The following RABGAP1L variants were observed in gnomAD, a reference collection of about 807,000 sequenced individuals.
The protein encoded by RABGAP1L is rab GTPase-activating protein 1-like.
Under a neutral mutation model 137.7 loss-of-function variants are expected in RABGAP1L, and 63 were observed. That is an observed-to-expected ratio of 0.46 (90% confidence interval 0.37 to 0.56). The LOEUF (loss-of-function observed/expected upper bound fraction) is 0.56, where lower values mean the gene tolerates loss of function less well. Among genes scored for constraint, RABGAP1L ranks in the 20% least tolerant of loss-of-function variants. The pLI is 0.00. For synonymous variants in RABGAP1L, 431 were observed against 433.7 expected, an observed-to-expected ratio of 0.99 and a Z score of 0.08; for missense variants, 1,095 against 1,244.0, an observed-to-expected ratio of 0.88 and a Z score of 1.80.
intron 7 of RABGAP1L, among the ~76,000 whole-genome samples, chr1:174,271,075 GATCATAGCAGTATATAGGTGAAATTATGA>G (rs1674521205): frequency 6.6e-6 from 1 of 152,096 alleles, no homozygotes; most frequent in South Asian, 2.1e-4. Flanking sequence ...ATAGGAGAGA[GATCATAGCAGTATATAGGTGAAATTATGA>G]ATACTAGAGT....
chr1:174,864,507 T>C (rs1178461860), intron 19 of RABGAP1L, among the ~76,000 whole-genome samples: 1 of 152,154 alleles, frequency 6.6e-6, no homozygotes, highest in Non-Finnish European at 1.5e-5. Context: ...CTTCTTCACA[T>C]GGTGGCAGGA....
At chr1:174,458,034 G>GT (rs1455612394) in intron 13 of RABGAP1L, among the ~76,000 whole-genome samples, 1 of 152,126 alleles carries the variant, frequency 6.6e-6, no homozygotes, top group Non-Finnish European at 1.5e-5. Flanking sequence ...TTAATTCTGT[G>GT]TAAGATAAGG....
intron 19 of RABGAP1L, among the ~76,000 whole-genome samples, chr1:174,873,359 G>A (rs1307268065): frequency 6.6e-6 from 1 of 151,922 alleles, no homozygotes; most frequent in African/African-American, 2.4e-5. Context: ...ATGAGCCACC[G>A]TGCCTGGCCT....
chr1:174,639,121 G>A (rs1557938136), intron 14 of RABGAP1L, among the ~76,000 whole-genome samples: 1 of 150,628 alleles, frequency 6.6e-6, no homozygotes, highest in Non-Finnish European at 1.5e-5. Context: ...TTTCATTAAA[G>A]TCCTTGCATG....
chr1:174,678,360 G>C (rs2148466653), intron 14 of RABGAP1L, among the ~76,000 whole-genome samples: 1 of 152,166 alleles, frequency 6.6e-6, no homozygotes, highest in Non-Finnish European at 1.5e-5. Flanking sequence ...TGACACACTT[G>C]TTTTATAAGG....
chr1:174,915,721 C>T (rs1483076667), intron 19 of RABGAP1L, among the ~76,000 whole-genome samples: 1 of 152,228 alleles, frequency 6.6e-6, no homozygotes, highest in Admixed American at 6.5e-5. Flanking sequence ...TCCCAAAGTG[C>T]TGGGATTATA....
At chr1:174,910,563 A>G (rs1018416216) in intron 19 of RABGAP1L, among the ~76,000 whole-genome samples, 1 of 152,178 alleles carries the variant, frequency 6.6e-6, no homozygotes, top group Non-Finnish European at 1.5e-5. Context: ...TGGCCACAGC[A>G]ATTAGGCAAA....
At chr1:174,512,570 A>T (rs184501396) in intron 13 of RABGAP1L, among the ~76,000 whole-genome samples, 1 of 152,232 alleles carries the variant, frequency 6.6e-6, no homozygotes, top group Non-Finnish European at 1.5e-5. Context: ...ACTGAAATGT[A>T]TCATCTTGCC....
chr1:174,819,460 A>C (rs1019958336), intron 19 of RABGAP1L, among the ~76,000 whole-genome samples: 1 of 152,200 alleles, frequency 6.6e-6, no homozygotes, highest in African/African-American at 2.4e-5. Context: ...CTCAGAGCTC[A>C]TGGAATTCAC....
At chr1:174,358,590 T>C (rs1034690095) in intron 11 of RABGAP1L, among the ~76,000 whole-genome samples, 1 of 152,228 alleles carries the variant, frequency 6.6e-6, no homozygotes, top group Non-Finnish European at 1.5e-5. Context: ...TGACTGCTTC[T>C]TCACCCAGGA....
chr1:174,261,535 A>G (rs1400654553), intron 7 of RABGAP1L, among the ~76,000 whole-genome samples: 1 of 152,180 alleles, frequency 6.6e-6, no homozygotes, highest in Non-Finnish European at 1.5e-5. Context: ...TCTTGAGGAA[A>G]AGATATCCTA....
intron 1 of RABGAP1L, among the ~76,000 whole-genome samples, 196 bp from the exon 2 acceptor site, chr1:174,218,929 T>C (rs1267786985): frequency 6.6e-6 from 1 of 152,084 alleles, no homozygotes; most frequent in Non-Finnish European, 1.5e-5. Flanking sequence ...GTCTGGAAAC[T>C]TAGGATGAAG....
chr1:174,973,329 A>G (rs1262645117), intron 21 of RABGAP1L, among the ~76,000 whole-genome samples: 1 of 152,142 alleles, frequency 6.6e-6, no homozygotes, highest in East Asian at 1.9e-4. Context: ...GTGTTTTTGA[A>G]AAAAATTCCT....
intron 10 of RABGAP1L, among the ~76,000 whole-genome samples, chr1:174,280,089 GA>G (rs1301256609): frequency 1.4e-5 from 2 of 146,952 alleles, no homozygotes; most frequent in Non-Finnish European, 3.0e-5. Flanking sequence ...GAGAGAGAGA[GA>G]GACATTAAAG....
In RABGAP1L at chr1:174,177,293, C is replaced by T. The variant is rs142257383; in HGVS notation, c.-34+17636C>T. 6.9e-4 allele frequency among the ~76,000 whole-genome samples: 105 copies of T among 152,216 alleles called. 2 individuals carry two copies. The East Asian group carries it at 0.017, about 25-fold the overall frequency. On this transcript the variant is annotated intron_variant, in intron 1 of 25. Coordinates refer to ENST00000681986, the MANE Select transcript of RABGAP1L (RefSeq NM_001366446.1). The stretch of plus-strand genomic sequence containing the variant: ...ATAAATGTCTTCTTTTGAGAAGTGT[C>T]TGTTCATATCCTTCGCCTACTTTTG...
In RABGAP1L at chr1:174,730,143, T is replaced by C. The variant is rs116930757; in HGVS notation, c.2170-22170T>C. Among the ~76,000 whole-genome samples, 113 of 152,276 alleles carry C rather than the reference T, an allele frequency of 7.4e-4. 2 individuals carry two copies. The East Asian group carries it at 0.021, about 29-fold the overall frequency. On this transcript the variant is annotated intron_variant, in intron 17 of 25. Transcript: ENST00000681986. Reference sequence around the variant, plus strand: ...AGCCACAAAAAAGAACAAAATCATGTCGCTTAAAGCAACATGGATGCAGCT... The same window carrying C: ...AGCCACAAAAAAGAACAAAATCATGCCGCTTAAAGCAACATGGATGCAGCT...
chr1:174,421,436 C>T (rs1252164228), intron 13 of RABGAP1L, among the ~76,000 whole-genome samples: 1 of 152,176 alleles, frequency 6.6e-6, no homozygotes, highest in Non-Finnish European at 1.5e-5. Flanking sequence ...GTGACATATT[C>T]AGGATATAGA....
chr1:174,678,001 A>C (rs1475236901), intron 14 of RABGAP1L, among the ~76,000 whole-genome samples: 3 of 152,156 alleles, frequency 2.0e-5, no homozygotes, highest in Non-Finnish European at 4.4e-5. Context: ...AAATTAATAA[A>C]TCCTTACCAA....
chr1:174,339,132 A>G (rs963328626), intron 11 of RABGAP1L, among the ~76,000 whole-genome samples: 1 of 152,222 alleles, frequency 6.6e-6, no homozygotes, highest in Non-Finnish European at 1.5e-5. Flanking sequence ...AACAGTTCTT[A>G]TACAACTTTT....
Sources: gnomAD v4.1 joint callset for allele counts (sites outside exome capture counted in the v4.1 genomes callset) on GRCh38, gnomAD v4.1.1 for gene constraint, MANE v1.5 for transcripts, NCBI Gene and HGNC (gene_info 2026-07-23, HGNC 2026-07-21) for gene names.